Variants in SYNE2 observed in about 807,000 individuals in gnomAD.
The protein encoded by SYNE2 is spectrin repeat containing nuclear envelope protein 2.
SYNE2 carries 431 observed loss-of-function variants against 856.3 expected under a neutral mutation model. The ratio of observed to expected loss-of-function variants is 0.50; its 90% CI spans 0.47 to 0.55. SYNE2 has a LOEUF of 0.55. Ranked by LOEUF, SYNE2 falls within the 20% of genes least tolerant of loss-of-function variation. SYNE2 has a pLI of 0.00. For synonymous variants in SYNE2, 2,923 were observed against 2,872.3 expected (o/e 1.02, Z -0.56); for missense variants, 8,129 against 8,023.2 (o/e 1.01, Z -0.50).
intron 1 of SYNE2, among the ~76,000 whole-genome samples, chr14:63,808,066 G>A (rs1888451494): frequency 9.1e-6 from 1 of 110,352 alleles, no homozygotes; most frequent in Non-Finnish European, 1.7e-5. Context: ...ATGCCTTTGC[G>A]TCCTCATAGC....
intron 108 of SYNE2, 168 bp from the exon 109 acceptor site, chr14:64,218,230 C>A: frequency 1.5e-6 from 1 of 649,530 alleles, no homozygotes; most frequent in Non-Finnish European, 2.7e-6. Flanking sequence ...GCTTTGCCAG[C>A]TTATAAATGC....
At chr14:63,830,840 CT>C (rs11427202) in intron 1 of SYNE2, among the ~76,000 whole-genome samples, 5,148 of 108,536 alleles carry the variant, frequency 0.047, 72 homozygotes, top group Middle Eastern at 0.13. Context: ...TGATCCCATT[CT>C]TTTTTTTTTT....
At chr14:63,826,002 G>T (rs1446831276) in intron 1 of SYNE2, among the ~76,000 whole-genome samples, 1 of 152,130 alleles carries the variant, frequency 6.6e-6, no homozygotes, top group Non-Finnish European at 1.5e-5. Flanking sequence ...TCCAATAGCT[G>T]TAAAACCTCA....
intron 7 of SYNE2, among the ~76,000 whole-genome samples, chr14:63,950,843 G>C (rs1479231773): frequency 2.6e-5 from 4 of 152,064 alleles, no homozygotes; most frequent in Non-Finnish European, 5.9e-5. Flanking sequence ...TTTTTGTAGA[G>C]ATGGGGTTTT....
In SYNE2 at chr14:64,024,975, A is replaced by G; in HGVS notation, c.5904A>G (p.Gly1968=). Residue 1968 remains glycine, a synonymous_variant, in exon 40 of 116, where the codon GGA becomes GGG. Transcript: ENST00000555002. The stretch of plus-strand genomic sequence containing the variant: ...CTAATCAAGAAGAGAAATGGAAAGG[A>G]ATGGAAGAACCAGGGGAGAAAACTG... ...WLTNQEEKWK[G]MEEPGEKTEL... The G allele has an allele frequency of 6.2e-7, 1 of 1,614,060 alleles. No homozygotes were observed. Among genetic ancestry groups the G allele is most frequent in the South Asian group, 1.1e-5 (1 of 91,090 alleles).
chr14:64,157,751 G>T (rs564384142), intron 85 of SYNE2, among the ~76,000 whole-genome samples: 28 of 152,238 alleles, frequency 1.8e-4, no homozygotes, highest in African/African-American at 6.7e-4. Flanking sequence ...ATTATTATCT[G>T]ACTTTTTGAT....
chr14:63,948,804 A>G (rs184470444), intron 6 of SYNE2, among the ~76,000 whole-genome samples: 1,786 of 110,828 alleles, frequency 0.016, 104 homozygotes, highest in South Asian at 0.033. Context: ...ATATATATAT[A>G]TATATATATA....
At chr14:64,219,034 C>T (rs2098679770) in intron 109 of SYNE2, among the ~76,000 whole-genome samples, 174 bp from the exon 110 acceptor site, 1 of 151,596 alleles carries the variant, frequency 6.6e-6, no homozygotes, top group African/African-American at 2.4e-5. Context: ...TGTGCTATTC[C>T]ACATTCCAGG....
intron 55 of SYNE2, 92 bp downstream of exon 55, chr14:64,078,698 T>A: frequency 6.8e-7 from 1 of 1,477,084 alleles, no homozygotes; most frequent in Non-Finnish European, 9.4e-7. Context: ...TTCTTTGAAT[T>A]AATCTGAAGC....
At chr14:63,798,310 A>G (rs763503740) in intron 1 of SYNE2, among the ~76,000 whole-genome samples, 1 of 152,012 alleles carries the variant, frequency 6.6e-6, no homozygotes, top group Non-Finnish European at 1.5e-5. Flanking sequence ...CTGTCCTCCC[A>G]AAGTGCAAGA....
At chr14:63,787,965 C>G (rs997164893) in intron 1 of SYNE2, among the ~76,000 whole-genome samples, 1 of 152,216 alleles carries the variant, frequency 6.6e-6, no homozygotes, top group African/African-American at 2.4e-5. Context: ...TTCTGCAGGC[C>G]AGTGCCAAGC....
chr14:63,814,165 G>A (rs1888732246), intron 1 of SYNE2, among the ~76,000 whole-genome samples: 1 of 151,778 alleles, frequency 6.6e-6, no homozygotes, highest in Non-Finnish European at 1.5e-5. Flanking sequence ...AGCTACTCGG[G>A]AGGCTGAGGC....
At chr14:64,113,292 C>T in intron 65 of SYNE2, 49 bp from the exon 66 acceptor site, 1 of 1,611,808 alleles carries the variant, frequency 6.2e-7, no homozygotes, top group Non-Finnish European at 8.5e-7. Flanking sequence ...TTTGCAGGCC[C>T]AAGTCTGAAA....
chr14:64,189,923 A>C (rs1596104732), intron 98 of SYNE2, 148 bp from the exon 99 acceptor site: 1 of 894,782 alleles, frequency 1.1e-6, no homozygotes. Context: ...TCGGCTTCCC[A>C]AACTGCTGGG....
chr14:64,110,898 C>T (rs1441196917), intron 65 of SYNE2, among the ~76,000 whole-genome samples: 4 of 152,070 alleles, frequency 2.6e-5, no homozygotes, highest in African/African-American at 9.7e-5. Context: ...CCACCCTCAG[C>T]TCTTGAAGCT....
In SYNE2 at chr14:64,214,466, G is replaced by A. The variant is rs1473579256; in HGVS notation, c.19329G>A (p.Leu6443=). The A allele has an allele frequency of 6.2e-7, 1 of 1,611,948 alleles. No homozygotes were observed. Among genetic ancestry groups the A allele is most frequent in the East Asian group, 2.2e-5 (1 of 44,846 alleles). The change falls in exon 106 of 116, where the codon CTG becomes CTA. Residue 6443 remains leucine (L), a synonymous_variant. Coordinates refer to ENST00000555002, the MANE Select transcript of SYNE2 (RefSeq NM_182914.3). Reference sequence around the variant, plus strand: ...AGGAGGGCCCATACTACAGCGCACTGTCAGGTAACAGCTGGGTTCCCAGCA... The same window carrying A: ...AGGAGGGCCCATACTACAGCGCACTATCAGGTAACAGCTGGGTTCCCAGCA... ...EDEEGPYYSA[L]SDVEIPENPE...
chr14:64,022,197 G>A (rs1233123355), intron 37 of SYNE2, among the ~76,000 whole-genome samples, 169 bp downstream of exon 37: 1 of 152,158 alleles, frequency 6.6e-6, no homozygotes, highest in Non-Finnish European at 1.5e-5. Context: ...ATTTATGCTT[G>A]ACATAAATAA....
At chr14:63,935,811 C>T (rs927013807) in intron 2 of SYNE2, among the ~76,000 whole-genome samples, 5 of 152,052 alleles carry the variant, frequency 3.3e-5, no homozygotes, top group Non-Finnish European at 7.4e-5. Context: ...TCCAGGAGTT[C>T]AAGACCAGCC....
intron 65 of SYNE2, among the ~76,000 whole-genome samples, chr14:64,110,588 A>AAAC (rs2097797632): frequency 1.3e-5 from 1 of 75,392 alleles, no homozygotes; most frequent in South Asian, 5.2e-4. Flanking sequence ...TACTTTTTAC[A>AAAC]CCCCCCCCCC....
Sources: gnomAD v4.1 joint callset for allele counts (sites outside exome capture counted in the v4.1 genomes callset) on GRCh38, gnomAD v4.1.1 for gene constraint, MANE v1.5 for transcripts, NCBI Gene and HGNC (gene_info 2026-07-23, HGNC 2026-07-21) for gene names.